The following LOC128092252 variants were observed in gnomAD, a reference collection of about 807,000 sequenced individuals.
the LOC128092252 span, among the ~76,000 whole-genome samples, chr15:50,668,348 T>C: frequency 2.6e-5 from 4 of 152,238 alleles, no homozygotes; most frequent in Non-Finnish European, 5.9e-5. Flanking sequence ...ATCCTTTATT[T>C]TGTTTTGCAG....
the LOC128092252 span, among the ~76,000 whole-genome samples, chr15:50,678,524 A>T: frequency 3.4e-5 from 3 of 88,112 alleles, no homozygotes; most frequent in African/African-American, 1.1e-4. Context: ...AAAAATATAT[A>T]TATATATATA....
At chr15:50,653,176 C>T in the LOC128092252 span, among the ~76,000 whole-genome samples, 1 of 152,112 alleles carries the variant, frequency 6.6e-6, no homozygotes, top group Non-Finnish European at 1.5e-5. Flanking sequence ...AAGAAACGGA[C>T]GTGGTGGCTC....
At chr15:50,680,475 A>G in the LOC128092252 span, among the ~76,000 whole-genome samples, 1 of 151,884 alleles carries the variant, frequency 6.6e-6, no homozygotes, top group Non-Finnish European at 1.5e-5. Flanking sequence ...AAGCTGCAGC[A>G]GGAGAATGGC....
chr15:50,673,348 G>A, the LOC128092252 span, among the ~76,000 whole-genome samples: 1 of 152,142 alleles, frequency 6.6e-6, no homozygotes, highest in African/African-American at 2.4e-5. Context: ...GGTGACTTGT[G>A]AGATTTTGGT....
At chr15:50,675,343 C>CAA in the LOC128092252 span, among the ~76,000 whole-genome samples, 3 of 133,332 alleles carry the variant, frequency 2.3e-5, 1 homozygote, top group South Asian at 7.1e-4. Flanking sequence ...AATTCCATTT[C>CAA]AAAAAAAAAA....
At chr15:50,660,526 A>T in the LOC128092252 span, among the ~76,000 whole-genome samples, 6 of 152,258 alleles carry the variant, frequency 3.9e-5, no homozygotes, top group East Asian at 1.2e-3. Flanking sequence ...GTGGTAGCGC[A>T]TGCCTATAGT....
At chr15:50,648,936 GA>G in the LOC128092252 span, 5 of 1,411,820 alleles carry the variant, frequency 3.5e-6, no homozygotes, top group Non-Finnish European at 3.8e-6. Context: ...TAGAGTTAAT[GA>G]AAAAATGGAA....
the LOC128092252 span, among the ~76,000 whole-genome samples, chr15:50,681,910 G>A: frequency 7.2e-5 from 11 of 152,206 alleles, no homozygotes; most frequent in East Asian, 9.6e-4. Context: ...AAGACTGTGC[G>A]GTGGCTCACG....
chr15:50,669,148 G>A, the LOC128092252 span, among the ~76,000 whole-genome samples: 3 of 152,126 alleles, frequency 2.0e-5, no homozygotes, highest in East Asian at 1.9e-4. Flanking sequence ...GAGGTCAGGC[G>A]CAGTGGCTCA....
At chr15:50,671,817 T>A in the LOC128092252 span, among the ~76,000 whole-genome samples, 1 of 151,858 alleles carries the variant, frequency 6.6e-6, no homozygotes, top group African/African-American at 2.4e-5. Context: ...AAAAAAAAAT[T>A]CCTATGGCCT....
chr15:50,670,044 GT>G, the LOC128092252 span, among the ~76,000 whole-genome samples: 1 of 152,170 alleles, frequency 6.6e-6, no homozygotes, highest in Non-Finnish European at 1.5e-5. Flanking sequence ...CAGATATCAT[GT>G]TTTGTCAGAA....
At chr15:50,663,123 A>G in the LOC128092252 span, 96 of 1,128,350 alleles carry the variant, frequency 8.5e-5, no homozygotes, top group South Asian at 3.1e-4. Flanking sequence ...TGATAAACAC[A>G]TAAACAGTTC....
the LOC128092252 span, among the ~76,000 whole-genome samples, chr15:50,657,160 C>A: frequency 6.6e-6 from 1 of 152,038 alleles, no homozygotes; most frequent in African/African-American, 2.4e-5. Context: ...CCCATTTCTA[C>A]TAAGAATACA....
chr15:50,670,373 C>T, the LOC128092252 span, among the ~76,000 whole-genome samples: 1 of 151,960 alleles, frequency 6.6e-6, no homozygotes, highest in Non-Finnish European at 1.5e-5. Context: ...AGATGGGAGT[C>T]CAACATAAGA....
At chr15:50,672,069 T>C in the LOC128092252 span, among the ~76,000 whole-genome samples, 1 of 151,668 alleles carries the variant, frequency 6.6e-6, no homozygotes, top group African/African-American at 2.4e-5. Context: ...TTTGTTTTTG[T>C]TTTTTGAGAC....
chr15:50,685,222 G>C, the LOC128092252 span, among the ~76,000 whole-genome samples: 603 of 152,316 alleles, frequency 4.0e-3, 3 homozygotes, highest in African/African-American at 0.014. Flanking sequence ...CAGGACTTTG[G>C]GGGGCTGAGG....
At chr15:50,686,486 C>T in the LOC128092252 span, 3 of 1,614,128 alleles carry the variant, frequency 1.9e-6, no homozygotes, top group Non-Finnish European at 8.5e-7. Context: ...TTACCGCCCG[C>T]AACCCCAGAA....
At chr15:50,659,263 T>C in the LOC128092252 span, among the ~76,000 whole-genome samples, 1 of 151,756 alleles carries the variant, frequency 6.6e-6, no homozygotes, top group Non-Finnish European at 1.5e-5. Flanking sequence ...GGCTACACTA[T>C]ATATTTTAAA....
At chr15:50,651,844 G>A in the LOC128092252 span, among the ~76,000 whole-genome samples, 13 of 151,924 alleles carry the variant, frequency 8.6e-5, no homozygotes, top group African/African-American at 2.4e-4. Context: ...CTGAGATCGC[G>A]CCACTGCACA....
Sources: allele counts gnomAD v4.1 joint callset (sites outside exome capture counted in the v4.1 genomes callset), GRCh38; gene constraint gnomAD v4.1.1; transcripts MANE v1.5.